Variants in CUX1 observed in about 807,000 individuals in gnomAD.
CUX1 encodes the protein cut like homeobox 1, also known as protein CASP.
A neutral mutation model predicts 158.8 loss-of-function variants in CUX1; 31 were observed. The observed-to-expected ratio is 0.20, with a 90% confidence interval of 0.15 to 0.26. The LOEUF (loss-of-function observed/expected upper bound fraction) is 0.26, where lower values mean the gene tolerates loss of function less well. Ranked by LOEUF, CUX1 falls within the 10% of genes least tolerant of loss-of-function variation. CUX1 has a pLI of 1.00. For missense variants in CUX1, 1,589 were observed against 2,014.6 expected (o/e 0.79, Z 4.04); for synonymous variants, 879 against 862.1 (o/e 1.02, Z -0.34).
chr7:101,877,328 C>T (rs955528484), intron 1 of CUX1, among the ~76,000 whole-genome samples: 1 of 152,212 alleles, frequency 6.6e-6, no homozygotes, highest in South Asian at 2.1e-4. Flanking sequence ...ACCAGTGTCA[C>T]CCTCCTTTGT....
rs535433695 is a variant in CUX1 at position 102,251,232 on chromosome 7, CTTT to C, written c.*2198_*2200del. ...TATTTCTTAAGTTTAATTAATATTA[CTTT>C]TTTTTTTATTTGGGGGGTGGGAGGG... On this transcript the variant is annotated 3_prime_UTR_variant, in exon 24 of 24. Coordinates refer to ENST00000292535, the MANE Select transcript of CUX1 (RefSeq NM_181552.4). 1.7e-5 allele frequency: 12 copies of C among 717,510 alleles called. No homozygotes were observed. Among genetic ancestry groups the C allele is most frequent in the Middle Eastern group, 7.5e-4 (1 of 1,338 alleles). The allele number at this position is 717,510 out of a possible 1,614,324, so 44.4% of individuals were successfully genotyped here.
Position 101,817,764 on chromosome 7 carries a change from T to G in CUX1, c.30+95T>G. 8.4e-5 allele frequency: 122 copies of G among 1,457,616 alleles called. No individual in the cohort carries two copies. Among genetic ancestry groups the G allele is most frequent in the Non-Finnish European group, 9.6e-5 (104 of 1,081,846 alleles). The allele number at this position is 1,457,616 out of a possible 1,614,324, so 90.3% of individuals were successfully genotyped here. A position where few individuals can be genotyped will look rare whatever the true frequency, so the allele number is the denominator to read the frequency against. On this transcript the variant is annotated intron_variant, in intron 1 of 23. Transcript: ENST00000292535. The surrounding 1 kb of genome is among the most constrained non-coding windows in gnomAD (Gnocchi z 4.1). ...CCGGGTCCCGCGGCTTAGAATGCTC[T>G]AGGGCGGCCTGGTGCTCTGGGAGGG...
At chr7:101,817,040 C>T (rs562975201), upstream of CUX1, 10 of 984,524 alleles carry the variant, frequency 1.0e-5, no homozygotes, top group Admixed American at 1.8e-4. This position sits in a 1 kb window ranked among gnomAD's most constrained non-coding sequence, Gnocchi z 4.1. Flanking sequence ...GGCGGACCCC[C>T]GCGGGGGCTC....
At position 101,825,514 on chromosome 7, in the gene CUX1, TC is replaced by T. The variant is rs146024938; in HGVS notation, c.30+7848del. ...TAAAGCTACCATCCGGAGCTGGCCG[TC>T]CCAGAGGGAAGGCTTGGTCATCTCT... On this transcript the variant is annotated intron_variant, in intron 1 of 23. Coordinates refer to ENST00000292535, the MANE Select transcript of CUX1 (RefSeq NM_181552.4). 3.4e-3 allele frequency among the ~76,000 whole-genome samples: 510 copies of T among 152,164 alleles called. 4 individuals are homozygous for T. Among genetic ancestry groups the T allele is most frequent in the African/African-American group, 8.8e-3 (366 of 41,534 alleles).
At chr7:102,066,667 G>A (rs1251089116) in intron 3 of CUX1, among the ~76,000 whole-genome samples, 6 of 152,152 alleles carry the variant, frequency 3.9e-5, no homozygotes, top group African/African-American at 1.4e-4. Flanking sequence ...CAAGCGGTAC[G>A]GACAGCAGCC....
chr7:102,007,399 G>A (rs1294267960), intron 2 of CUX1, among the ~76,000 whole-genome samples: 1 of 151,872 alleles, frequency 6.6e-6, no homozygotes, highest in African/African-American at 2.4e-5. Context: ...CCTGTTAAGG[G>A]GACATTTCCA....
intron 8 of CUX1, among the ~76,000 whole-genome samples, chr7:102,152,841 G>A (rs1835840932): frequency 6.6e-6 from 1 of 152,228 alleles, no homozygotes; most frequent in African/African-American, 2.4e-5. Context: ...GTATGGAATA[G>A]GCCTGCCCTG....
intron 5 of CUX1, among the ~76,000 whole-genome samples, chr7:102,098,663 A>G (rs1289786327): frequency 2.0e-5 from 3 of 148,264 alleles, no homozygotes; most frequent in South Asian, 2.1e-4. Context: ...TTTTTTTGAG[A>G]TGGAGTCTCG....
chr7:102,100,018 G>A (rs552388203), intron 5 of CUX1, among the ~76,000 whole-genome samples: 33 of 152,200 alleles, frequency 2.2e-4, no homozygotes, highest in African/African-American at 4.8e-4. Context: ...AGCGACTCAC[G>A]CCTATAATCC....
intron 8 of CUX1, among the ~76,000 whole-genome samples, chr7:102,136,685 G>A (rs1350696694): frequency 3.3e-5 from 5 of 152,072 alleles, no homozygotes; most frequent in South Asian, 2.1e-4. Flanking sequence ...CACCGTGCCC[G>A]GCCATTTTAC....
intron 1 of CUX1, among the ~76,000 whole-genome samples, chr7:101,889,034 G>A (rs1562967890): frequency 6.6e-6 from 1 of 151,932 alleles, no homozygotes; most frequent in African/African-American, 2.4e-5. Context: ...GGGAAGCTGA[G>A]GCAGGAGGAT....
intron 2 of CUX1, among the ~76,000 whole-genome samples, chr7:102,004,830 C>T (rs1247665010): frequency 6.6e-6 from 1 of 152,182 alleles, no homozygotes; most frequent in Non-Finnish European, 1.5e-5. Flanking sequence ...ATCAGGGGTC[C>T]ACACGCTTTC....
chr7:101,832,818 T>C (rs2131045866), intron 1 of CUX1, among the ~76,000 whole-genome samples: 1 of 152,268 alleles, frequency 6.6e-6, no homozygotes, highest in East Asian at 1.9e-4. Context: ...TCGGAGCGGC[T>C]GCACAGGGGG....
At chr7:102,267,332 G>A (rs1047752659) in intron 14 of CUX1, among the ~76,000 whole-genome samples, 7 of 152,008 alleles carry the variant, frequency 4.6e-5, no homozygotes, top group African/African-American at 9.7e-5. Flanking sequence ...TCAGGAGTTC[G>A]AGACCAGCCT....
At chr7:102,114,775 G>A (rs1458376628) in intron 7 of CUX1, among the ~76,000 whole-genome samples, 2 of 152,194 alleles carry the variant, frequency 1.3e-5, no homozygotes, top group African/African-American at 4.8e-5. Flanking sequence ...CAGCTACTTG[G>A]GAGGCTGAGG....
rs1563230405 is a variant in CUX1, at chr7:102,092,931, AAG to A, written c.269-4431_269-4430del. Among the ~76,000 whole-genome samples, 174 of 104,018 alleles carry A rather than the reference AAG, an allele frequency of 1.7e-3. 1 individual carries two copies. The highest frequency in any genetic ancestry group is 3.3e-3 in the South Asian group (12 of 3,672). The allele number at this position is 104,018 out of a possible 152,430, so 68.2% of individuals were successfully genotyped here. ...CCGTCTCAAAAAAAAAAAAAAAAAAAAGAAAGAAAGAAAAGAAAAAAAGAGCT... is the reference window on the plus strand; with the variant it reads ...CCGTCTCAAAAAAAAAAAAAAAAAAAAAAGAAAGAAAAGAAAAAAAGAGCT... On this transcript the variant is annotated intron_variant, in intron 4 of 23. Coordinates refer to ENST00000292535, the MANE Select transcript of CUX1 (RefSeq NM_181552.4).
intron 14 of CUX1, among the ~76,000 whole-genome samples, chr7:102,272,741 C>A (rs920676168): frequency 6.6e-6 from 1 of 152,210 alleles, no homozygotes; most frequent in African/African-American, 2.4e-5. Context: ...ATGACCCTGG[C>A]ACCTGGAGGA....
rs782373368 is a variant in CUX1, at chr7:102,178,484, G to A, written c.844G>A (p.Val282Met). The change falls in exon 11 of 24, where the codon GTG becomes ATG. Residue 282 changes from valine to methionine, a missense_variant. Physicochemically the swap from Val to Met is conservative, Grantham distance 21. This residue lies in a region of CUX1 where 515 missense variants were observed against 574.4 expected (regional missense o/e 0.90). Coordinates refer to ENST00000292535, the MANE Select transcript of CUX1 (RefSeq NM_181552.4). ...TCCTCCCCAGGAGCAGGCCATAGAG[G>A]TGCTGACCCGCTCCAGCCTAGAAGT... ...KAPDVEQAIEVLTRSSLEVEL... is the reference protein window; with the variant it reads ...KAPDVEQAIEMLTRSSLEVEL... 2 of 1,608,048 alleles carry A rather than the reference G, an allele frequency of 1.2e-6. No homozygotes were observed. The highest frequency in any genetic ancestry group is 1.1e-5 in the South Asian group (1 of 90,792).
Position 101,991,724 on chromosome 7 carries a change from A to C in CUX1, c.142-36374A>C, listed in dbSNP as rs542820472. Among the ~76,000 whole-genome samples the C allele has an allele frequency of 2.0e-5, 3 of 150,404 alleles. No homozygotes were observed. In the Middle Eastern group the frequency reaches 0.01, roughly 519 times the overall value. ...CAGTGAGCTGAGATCGCGCCACTGC[A>C]CTTCAGCCTGGGGAACAGAGTGAGA... On this transcript the variant is annotated intron_variant, in intron 2 of 23. Transcript: ENST00000292535.
Sources: allele counts gnomAD v4.1 joint callset (sites outside exome capture counted in the v4.1 genomes callset), GRCh38; gene constraint gnomAD v4.1.1; regional missense constraint gnomAD v4.1.1; non-coding constraint Gnocchi (gnomAD v3.1); transcripts MANE v1.5; gene names NCBI Gene and HGNC (gene_info 2026-07-23, HGNC 2026-07-21).